GRID2: variants seen among roughly 807,000 people sequenced by gnomAD.
GRID2 encodes glutamate ionotropic receptor delta type subunit 2.
GRID2 carries 33 observed loss-of-function variants against 114.8 expected under a neutral mutation model. The observed-to-expected ratio is 0.29, with a 90% confidence interval of 0.22 to 0.38. The LOEUF is 0.38. Ranked by LOEUF, GRID2 falls within the 10% of genes least tolerant of loss-of-function variation. The pLI, the probability that GRID2 is intolerant of heterozygous loss-of-function variation, is 1.00. For synonymous variants in GRID2, 505 were observed against 449.9 expected, an observed-to-expected ratio of 1.12 and a Z score of -1.55; for missense variants, 1,184 against 1,257.7, an observed-to-expected ratio of 0.94 and a Z score of 0.89.
At chr4:93,145,589 G>A (rs1736139189) in intron 4 of GRID2, among the ~76,000 whole-genome samples, 1 of 145,130 alleles carries the variant, frequency 6.9e-6, no homozygotes, top group Admixed American at 6.9e-5. Context: ...CTCCTGAGTA[G>A]CTGGAATTAC....
intron 2 of GRID2, among the ~76,000 whole-genome samples, chr4:92,831,681 C>T (rs1742112454): frequency 6.6e-6 from 1 of 151,832 alleles, no homozygotes; most frequent in African/African-American, 2.4e-5. Context: ...TAAGGAGATG[C>T]TGTCTCTACA....
At chr4:93,052,160 T>A (rs1726781306) in intron 2 of GRID2, among the ~76,000 whole-genome samples, 1 of 152,040 alleles carries the variant, frequency 6.6e-6, no homozygotes, top group Non-Finnish European at 1.5e-5. Context: ...ACTTACATCA[T>A]TATAATAAAA....
chr4:93,403,612 A>C, intron 9 of GRID2, among the ~76,000 whole-genome samples: 1 of 152,192 alleles, frequency 6.6e-6, no homozygotes, highest in East Asian at 1.9e-4. Flanking sequence ...ATGGTCAGTA[A>C]GCAAATGAAG....
At chr4:92,927,486 T>C (rs1340430794) in intron 2 of GRID2, among the ~76,000 whole-genome samples, 1 of 151,858 alleles carries the variant, frequency 6.6e-6, no homozygotes, top group Non-Finnish European at 1.5e-5. Flanking sequence ...AGATGCTACC[T>C]GTACACAGTT....
At chr4:92,773,134 T>TGCTTTA (rs1738619667) in intron 2 of GRID2, among the ~76,000 whole-genome samples, 1 of 152,248 alleles carries the variant, frequency 6.6e-6, no homozygotes, top group Admixed American at 6.5e-5. Flanking sequence ...AGCCTGCTAA[T>TGCTTTA]GCAGTCTATG....
chr4:93,701,839 T>A (rs932421488), intron 14 of GRID2, among the ~76,000 whole-genome samples: 1 of 151,984 alleles, frequency 6.6e-6, no homozygotes, highest in Admixed American at 6.6e-5. Context: ...TACATATATA[T>A]TTTTTAACAT....
intron 13 of GRID2, among the ~76,000 whole-genome samples, chr4:93,585,594 G>A (rs1405424037): frequency 6.6e-6 from 1 of 151,986 alleles, no homozygotes; most frequent in Admixed American, 6.6e-5. Flanking sequence ...TAAAATTTGT[G>A]CAAAGCATTA....
At chr4:92,336,954 G>GTTTTTTTTTTTTTTTTTTTTTT (rs59093874) in intron 1 of GRID2, among the ~76,000 whole-genome samples, 5 of 78,190 alleles carry the variant, frequency 6.4e-5, no homozygotes, top group Non-Finnish European at 1.1e-4. Flanking sequence ...TTTCGTTGTT[G>GTTTTTTTTTTTTTTTTTTTTTT]TTTTTTTTTT....
chr4:92,491,319 G>C (rs942543820), intron 1 of GRID2, among the ~76,000 whole-genome samples: 2 of 152,070 alleles, frequency 1.3e-5, no homozygotes, highest in Non-Finnish European at 2.9e-5. Flanking sequence ...TATGCTTCCA[G>C]TTCCACAGTT....
chr4:93,113,278 G>A (rs1043451988), intron 4 of GRID2, among the ~76,000 whole-genome samples: 1 of 152,104 alleles, frequency 6.6e-6, no homozygotes, highest in African/African-American at 2.4e-5. Flanking sequence ...CTTTGAGTTG[G>A]TACTAACATC....
chr4:93,321,121 C>A (rs150876007), intron 8 of GRID2, among the ~76,000 whole-genome samples: 1 of 152,086 alleles, frequency 6.6e-6, no homozygotes, highest in African/African-American at 2.4e-5. Context: ...AAGCAGTTTT[C>A]CTCACCTGAA....
intron 1 of GRID2, among the ~76,000 whole-genome samples, chr4:92,395,172 C>A (rs1387192690): frequency 6.6e-6 from 1 of 151,506 alleles, no homozygotes; most frequent in South Asian, 2.1e-4. Context: ...TAAATACCCA[C>A]ATATTTTGTT....
intron 2 of GRID2, among the ~76,000 whole-genome samples, chr4:92,884,512 A>T (rs1336639739): frequency 1.3e-5 from 2 of 152,224 alleles, no homozygotes; most frequent in Non-Finnish European, 1.5e-5. Flanking sequence ...GGCATTCAGC[A>T]TGCCTTCCTC....
intron 8 of GRID2, among the ~76,000 whole-genome samples, chr4:93,248,810 C>T (rs549933654): frequency 6.6e-6 from 1 of 152,142 alleles, no homozygotes; most frequent in South Asian, 2.1e-4. Flanking sequence ...GTAATAATGG[C>T]TTTAGGTTAC....
chr4:93,520,846 A>G (rs1359901496), intron 13 of GRID2, among the ~76,000 whole-genome samples: 1 of 152,290 alleles, frequency 6.6e-6, no homozygotes, highest in East Asian at 1.9e-4. Context: ...ATGAGAAACC[A>G]GTGCAGAGTT....
chr4:93,287,782 T>C (rs1026440776), intron 8 of GRID2, among the ~76,000 whole-genome samples: 1 of 152,200 alleles, frequency 6.6e-6, no homozygotes, highest in Admixed American at 6.5e-5. Context: ...CTATATTCAC[T>C]TGATAATTGT....
chr4:92,928,336 A>C (rs1749984504), intron 2 of GRID2, among the ~76,000 whole-genome samples: 1 of 151,732 alleles, frequency 6.6e-6, no homozygotes, highest in South Asian at 2.1e-4. Flanking sequence ...TTATTTAGAA[A>C]GATTTAAGTC....
At chr4:92,493,877 G>C (rs796947832) in intron 1 of GRID2, among the ~76,000 whole-genome samples, 12 of 152,190 alleles carry the variant, frequency 7.9e-5, no homozygotes, top group African/African-American at 2.9e-4. Flanking sequence ...CAAAACAGAA[G>C]CATTTGTTAG....
At chr4:92,549,422 T>G (rs1726465023) in intron 1 of GRID2, among the ~76,000 whole-genome samples, 2 of 152,116 alleles carry the variant, frequency 1.3e-5, no homozygotes, top group South Asian at 4.1e-4. Flanking sequence ...TTTGTCATTC[T>G]TCACTCATTG....
Sources: allele counts gnomAD v4.1 joint callset (sites outside exome capture counted in the v4.1 genomes callset), GRCh38; gene constraint gnomAD v4.1.1; transcripts MANE v1.5; gene names NCBI Gene and HGNC (gene_info 2026-07-23, HGNC 2026-07-21).